Variants in RANBP2 observed in about 807,000 individuals in gnomAD.
RANBP2 encodes the protein RAN binding protein 2, also known as E3 SUMO-protein ligase RanBP2.
In RANBP2, 57 loss-of-function variants were observed where a neutral mutation model predicts 303.6. The ratio of observed to expected loss-of-function variants is 0.19; its 90% CI spans 0.15 to 0.23. The LOEUF (loss-of-function observed/expected upper bound fraction) is 0.23. RANBP2 is among the 10% of genes least tolerant of loss of function. The pLI is 1.00. For missense variants in RANBP2, 3,138 were observed against 3,780.8 expected, an observed-to-expected ratio of 0.83 and a Z score of 4.46; for synonymous variants, 1,167 against 1,301.5, an observed-to-expected ratio of 0.90 and a Z score of 2.23.
chr2:109,480,124 T>A, the RANBP2 span, among the ~76,000 whole-genome samples: 1 of 152,180 alleles, frequency 6.6e-6, no homozygotes, highest in South Asian at 2.1e-4. Context: ...TCCAACATAG[T>A]GAGAAAGCAA....
At chr2:109,190,066 G>C in the RANBP2 span, among the ~76,000 whole-genome samples, 1 of 152,228 alleles carries the variant, frequency 6.6e-6, no homozygotes. Flanking sequence ...TGTTGTAATT[G>C]TCGTTGCTTT....
At chr2:109,346,788 A>G in the RANBP2 span, among the ~76,000 whole-genome samples, 2 of 152,334 alleles carry the variant, frequency 1.3e-5, no homozygotes, top group East Asian at 3.9e-4. Flanking sequence ...ATGGCAGAAC[A>G]GGTGCAGATG....
chr2:109,511,589 A>C, the RANBP2 span, among the ~76,000 whole-genome samples: 1 of 152,196 alleles, frequency 6.6e-6, no homozygotes, highest in Admixed American at 6.5e-5. Flanking sequence ...GATCACCTGC[A>C]GAAGGTGGGA....
chr2:109,484,571 C>T, the RANBP2 span, among the ~76,000 whole-genome samples: 1 of 152,214 alleles, frequency 6.6e-6, no homozygotes, highest in South Asian at 2.1e-4. Context: ...TACCTCCTGC[C>T]CTATCAGCTA....
the RANBP2 span, among the ~76,000 whole-genome samples, chr2:109,612,128 C>A: frequency 6.6e-6 from 1 of 151,956 alleles, no homozygotes; most frequent in Non-Finnish European, 1.5e-5. Flanking sequence ...GAATACTACC[C>A]CAGCAAACTG....
the RANBP2 span, among the ~76,000 whole-genome samples, chr2:108,838,108 T>G: frequency 6.6e-6 from 1 of 152,114 alleles, no homozygotes; most frequent in African/African-American, 2.4e-5. Flanking sequence ...TGGTCCCTAG[T>G]GACTCTGGTA....
At chr2:109,560,687 C>T in the RANBP2 span, among the ~76,000 whole-genome samples, 6 of 152,182 alleles carry the variant, frequency 3.9e-5, no homozygotes, top group Non-Finnish European at 7.3e-5. Flanking sequence ...ACTGTGACCT[C>T]CATTGTGCCT....
At chr2:109,176,165 G>A in the RANBP2 span, among the ~76,000 whole-genome samples, 42 of 152,206 alleles carry the variant, frequency 2.8e-4, no homozygotes, top group African/African-American at 9.2e-4. Flanking sequence ...AAATTCAAAG[G>A]GTAATAACCA....
chr2:109,520,614 A>G, the RANBP2 span, among the ~76,000 whole-genome samples: 13 of 91,214 alleles, frequency 1.4e-4, 1 homozygote, highest in South Asian at 4.0e-4. Context: ...AAAAAAAAAA[A>G]AAAAAAAAAA....
chr2:108,956,286 T>C, the RANBP2 span, among the ~76,000 whole-genome samples: 2 of 152,228 alleles, frequency 1.3e-5, no homozygotes, highest in Non-Finnish European at 2.9e-5. Flanking sequence ...GATACCCTTT[T>C]TATACATTCT....
chr2:109,765,716 C>A, the RANBP2 span, among the ~76,000 whole-genome samples: 1 of 150,454 alleles, frequency 6.6e-6, no homozygotes, highest in Non-Finnish European at 1.5e-5. Context: ...TGAAGGTAGG[C>A]TAACACAGGC....
In RANBP2 at chr2:108,766,637, A is replaced by G. The variant is rs146851340; in HGVS notation, c.6098A>G (p.Lys2033Arg). 7.9e-4 allele frequency: 1,281 copies of G among 1,611,872 alleles called. 2 individuals are homozygous for G. Among genetic ancestry groups the G allele is most frequent in the Non-Finnish European group, 1.0e-3 (1,212 of 1,179,852 alleles). The change falls in exon 20 of 29, where the codon AAA becomes AGA. Residue 2033 changes from lysine to arginine, a missense_variant. By Grantham distance (26) the Lys-to-Arg change is conservative. Coordinates refer to ENST00000283195, the MANE Select transcript of RANBP2 (RefSeq NM_006267.5). ...CTTGTAACAGGAGAAGAAGATGAAA[A>G]AGTTCTGTATTCACAGCGGGTAAAA... is the stretch of plus-strand genomic sequence containing the variant. ...VELVTGEEDE[K>R]VLYSQRVKLF...
the RANBP2 span, among the ~76,000 whole-genome samples, chr2:109,375,903 G>T: frequency 2.6e-5 from 4 of 152,226 alleles, no homozygotes; most frequent in African/African-American, 9.6e-5. Flanking sequence ...AGCAGACCTG[G>T]CTGGGCCCAG....
At chr2:108,823,074 C>T in the RANBP2 span, among the ~76,000 whole-genome samples, 1 of 152,124 alleles carries the variant, frequency 6.6e-6, no homozygotes, top group African/African-American at 2.4e-5. Context: ...CCTATAAAAA[C>T]ACAGCTTTCC....
At chr2:108,825,212 C>A in the RANBP2 span, among the ~76,000 whole-genome samples, 2 of 152,038 alleles carry the variant, frequency 1.3e-5, no homozygotes, top group Non-Finnish European at 1.5e-5. Flanking sequence ...ACTTAGGAGA[C>A]ACAAAAACCA....
rs550357048 is a variant in RANBP2 at position 108,766,970 on chromosome 2, G to A, written c.6431G>A (p.Arg2144Gln). 4.7e-5 allele frequency: 75 copies of A among 1,609,204 alleles called. No homozygotes were observed. Among genetic ancestry groups the A allele is most frequent in the East Asian group, 3.1e-4 (14 of 44,880 alleles). ...EFKQKFEECQ[R>Q]LLLDIPLQTP... ...AAGCAGAAATTTGAGGAATGCCAGC[G>A]GCTTCTGTTAGACATACCACTTCAA... is the stretch of plus-strand genomic sequence containing the variant. The change falls in exon 20 of 29, where the codon CGG (arginine) becomes CAG (glutamine). Residue 2144 changes from arginine (R) to glutamine (Q), a missense_variant. Physicochemically the swap from Arg to Gln is conservative, Grantham distance 43. Transcript: ENST00000283195.
the RANBP2 span, among the ~76,000 whole-genome samples, chr2:108,847,110 T>C: frequency 7.2e-5 from 11 of 152,256 alleles, no homozygotes; most frequent in Non-Finnish European, 1.5e-5. Context: ...TTGAAGTCTT[T>C]AGTTGGATTC....
At chr2:108,803,084 C>G in the RANBP2 span, among the ~76,000 whole-genome samples, 1 of 152,194 alleles carries the variant, frequency 6.6e-6, no homozygotes, top group African/African-American at 2.4e-5. Flanking sequence ...AATCCTAATG[C>G]ATTTCTCAAA....
intron 23 of RANBP2, 139 bp downstream of exon 23, chr2:108,773,185 G>A (rs956722647): frequency 1.7e-5 from 15 of 864,764 alleles, no homozygotes; most frequent in South Asian, 1.2e-4. Flanking sequence ...TGGCATGCTC[G>A]TGGCTCAATG....
Sources: gnomAD v4.1 joint callset for allele counts (sites outside exome capture counted in the v4.1 genomes callset) on GRCh38, gnomAD v4.1.1 for gene constraint, MANE v1.5 for transcripts, NCBI Gene and HGNC (gene_info 2026-07-23, HGNC 2026-07-21) for gene names.